The following MTM1 variants were observed in gnomAD, a reference collection of about 807,000 sequenced individuals.
MTM1 encodes myotubularin 1, also known as myotubularin.
In MTM1, 9 loss-of-function variants were observed where a neutral mutation model predicts 52.1. The observed-to-expected ratio is 0.17, with a 90% CI of 0.10 to 0.30. The LOEUF (loss-of-function observed/expected upper bound fraction) is 0.30, where lower values mean the gene tolerates loss of function less well. MTM1 is among the 10% of genes least tolerant of loss of function. The pLI, the probability that MTM1 is intolerant of heterozygous loss-of-function variation, is 1.00. For missense variants in MTM1, 277 were observed against 470.7 expected, an observed-to-expected ratio of 0.59 and a Z score of 3.81; for synonymous variants, 136 against 163.8, an observed-to-expected ratio of 0.83 and a Z score of 1.29.
chrX:150,565,344 A>G (rs2038248858), upstream of MTM1, among the ~76,000 whole-genome samples: 1 of 112,308 alleles, frequency 8.9e-6, no homozygotes, highest in Non-Finnish European at 1.9e-5. Context: ...GACCTGAATC[A>G]GGTTTCCTAG....
intron 2 of MTM1, among the ~76,000 whole-genome samples, chrX:150,593,379 A>G (rs2038920909): frequency 8.9e-6 from 1 of 112,369 alleles, no homozygotes; most frequent in African/African-American, 3.2e-5. Flanking sequence ...TTTTCTAATT[A>G]TGATAAAATT....
At position 150,671,453 on chromosome X, in the gene MTM1, AC is replaced by A; in HGVS notation, c.1671del (p.Tyr557Ter). 2 of 1,211,404 alleles carry A rather than the reference AC, an allele frequency of 1.7e-6. No homozygotes were observed. The highest frequency in any genetic ancestry group is 2.2e-6 in the Non-Finnish European group (2 of 895,474). On this transcript the variant is annotated frameshift_variant, in exon 15 of 15. Transcript: ENST00000370396. LOFTEE classifies it high-confidence loss of function. ...QQQPNPVEQRYMELLALRDEY... is the reference protein window; with the variant it reads ...QQQPNPVEQRXMELLALRDEY... Reference sequence around the variant, plus strand: ...CAGCCGAATCCAGTGGAGCAGCGTTACATGGAGCTCTTAGCCTTACGCGACG... The same window carrying A: ...CAGCCGAATCCAGTGGAGCAGCGTTAATGGAGCTCTTAGCCTTACGCGACG...
intron 4 of MTM1, 108 bp downstream of exon 4, chrX:150,598,794 A>G: frequency 3.8e-6 from 2 of 528,909 alleles, no homozygotes; most frequent in Non-Finnish European, 6.3e-6. Flanking sequence ...AACATGGGGT[A>G]TATTTGCTTC....
intron 9 of MTM1, among the ~76,000 whole-genome samples, chrX:150,647,494 T>A (rs1855053156): frequency 9.0e-6 from 1 of 111,314 alleles, no homozygotes; most frequent in African/African-American, 3.3e-5. Context: ...CACTTGTTTC[T>A]CCCTTCCTCT....
At chrX:150,659,915 G>A (rs1291088289) in intron 12 of MTM1, among the ~76,000 whole-genome samples, 159 bp downstream of exon 12, 1 of 111,784 alleles carries the variant, frequency 8.9e-6, no homozygotes, top group Non-Finnish European at 1.9e-5. Flanking sequence ...GTACATGAGC[G>A]TTCACCTTTT....
chrX:150,652,064 A>C (rs1557414225), intron 10 of MTM1, among the ~76,000 whole-genome samples: 1 of 110,558 alleles, frequency 9.0e-6, no homozygotes, highest in African/African-American at 3.3e-5. Flanking sequence ...AGGAAGGGGG[A>C]AGTGTTGAGG....
chrX:150,659,618 T>G, intron 11 of MTM1, 46 bp from the exon 12 acceptor site: 1 of 1,055,183 alleles, frequency 9.5e-7, no homozygotes, highest in East Asian at 3.0e-5. Context: ...CTTTCTCAGT[T>G]TTGTACCCAT....
intron 6 of MTM1, among the ~76,000 whole-genome samples, chrX:150,621,919 A>C (rs1247406860): frequency 8.9e-6 from 1 of 111,966 alleles, no homozygotes; most frequent in African/African-American, 3.2e-5. Context: ...TACTGTCAGC[A>C]CAGTGACATC....
chrX:150,616,375 T>C lies in MTM1; in HGVS notation c.342+1676T>C, dbSNP rs1254395630. 2.7e-5 allele frequency among the ~76,000 whole-genome samples: 3 copies of C among 112,076 alleles called. No individual in the cohort carries two copies. The Admixed American group carries it at 2.8e-4, about 11-fold the overall frequency. On this transcript the variant is annotated intron_variant, in intron 5 of 14. Transcript: ENST00000370396. Reference sequence around the variant, plus strand: ...CTCAGTAACAAACCTGACATTGATATAAAGGAAATCTGCTTCGGTGAGATA... The same window carrying C: ...CTCAGTAACAAACCTGACATTGATACAAAGGAAATCTGCTTCGGTGAGATA...
At chrX:150,592,358 C>G (rs1603118695) in intron 1 of MTM1, among the ~76,000 whole-genome samples, 1 of 110,928 alleles carries the variant, frequency 9.0e-6, no homozygotes, top group South Asian at 3.8e-4. Context: ...GCTGAGCTCC[C>G]CCTTGTGCAT....
intron 6 of MTM1, among the ~76,000 whole-genome samples, chrX:150,625,290 G>A (rs1451064787): frequency 1.8e-5 from 2 of 111,889 alleles, no homozygotes; most frequent in African/African-American, 3.3e-5. Flanking sequence ...TGCCTGGCAC[G>A]CAGTAAGTAC....
chrX:150,653,932 T>C (rs1482654835), intron 10 of MTM1, among the ~76,000 whole-genome samples: 2 of 111,886 alleles, frequency 1.8e-5, no homozygotes, highest in Non-Finnish European at 3.8e-5. Flanking sequence ...CAAGACAAGC[T>C]AGTGGGGACA....
At chrX:150,574,223 T>G (rs1474123092) in intron 1 of MTM1, among the ~76,000 whole-genome samples, 1 of 111,535 alleles carries the variant, frequency 9.0e-6, no homozygotes, top group East Asian at 2.8e-4. Flanking sequence ...CTTCACTATA[T>G]CAACTCTAAT....
rs1309707582 is a variant in MTM1 at position 150,645,679 on chromosome X, A to G, written c.679-4A>G. ...ATAGCTTAAACTTTCTGACTTAACC[A>G]TAGGTGCTGTCATGGATTCATCCAG... is the stretch of plus-strand genomic sequence containing the variant. On this transcript the variant is annotated splice_polypyrimidine_tract_variant and splice_region_variant and intron_variant, in intron 8 of 14. Coordinates refer to ENST00000370396, the MANE Select transcript of MTM1 (RefSeq NM_000252.3). The G allele has an allele frequency of 1.7e-6, 2 of 1,210,199 alleles. No individual in the cohort carries two copies. Among genetic ancestry groups the G allele is most frequent in the Non-Finnish European group, 1.1e-6 (1 of 893,904 alleles).
chrX:150,654,537 C>A (rs1315785214), intron 10 of MTM1, among the ~76,000 whole-genome samples: 1 of 112,082 alleles, frequency 8.9e-6, no homozygotes, highest in Non-Finnish European at 1.9e-5. Context: ...GTCCCTTAAC[C>A]TTTCCTTCTT....
chrX:150,569,939 G>T (rs1557411391), intron 1 of MTM1, among the ~76,000 whole-genome samples: 2 of 111,862 alleles, frequency 1.8e-5, no homozygotes, highest in African/African-American at 6.5e-5. Flanking sequence ...ACTTTTCAGA[G>T]ATTCCACACC....
In MTM1 at chrX:150,648,498, CTGTTCTGTTCCTA is replaced by C. The variant is rs1281489902; in HGVS notation, c.868-1217_868-1205del. ...TCTTCAGCCCCAGGCAGATGTTTCC[CTGTTCTGTTCCTA>C]CAGGCACTCTGGAGTTAGTATAATA... On this transcript the variant is annotated intron_variant, in intron 9 of 14. Coordinates refer to ENST00000370396, the MANE Select transcript of MTM1 (RefSeq NM_000252.3). 5.3e-5 allele frequency among the ~76,000 whole-genome samples: 6 copies of C among 112,743 alleles called. No homozygotes were observed. In the East Asian group the frequency reaches 1.4e-3, roughly 26 times the overall value.
At position 150,641,497 on chromosome X, in the gene MTM1, G is replaced by A. The variant is rs183645208; in HGVS notation, c.678+79G>A. On this transcript the variant is annotated intron_variant, in intron 8 of 14. Coordinates refer to ENST00000370396, the MANE Select transcript of MTM1 (RefSeq NM_000252.3). Reference sequence around the variant, plus strand: ...TGGTAGTCATATAACTTAGAGAAACGGTCCTTTTGGAATTCTATCCCAAAA... The same window carrying A: ...TGGTAGTCATATAACTTAGAGAAACAGTCCTTTTGGAATTCTATCCCAAAA... 102 of 1,105,772 alleles carry A rather than the reference G, an allele frequency of 9.2e-5. No individual in the cohort carries two copies. The Admixed American group carries it at 1.4e-3, about 15-fold the overall frequency. 91.1% of individuals were successfully genotyped at this position (1,105,772 alleles called of 1,213,427 possible). A position where few individuals can be genotyped will look rare whatever the true frequency, so the allele number is the denominator to read the frequency against.
Position 150,671,446 on chromosome X carries a change from C to G in MTM1, c.1663C>G (p.Gln555Glu). Residue 555 changes from glutamine (Q) to glutamate (E), a missense_variant, in exon 15 of 15, where the codon CAG (glutamine) becomes GAG (glutamate). By Grantham distance (29) the Gln-to-Glu change is conservative (BLOSUM62 2). This residue lies in a region of MTM1 where 51 missense variants were observed against 52.2 expected (regional missense o/e 0.98). Transcript: ENST00000370396. The part of the protein sequence containing the change: ...IKQQQPNPVE[Q>E]RYMELLALRD... ...TCTCCAGCAGCCGAATCCAGTGGAG[C>G]AGCGTTACATGGAGCTCTTAGCCTT... 8.3e-7 allele frequency: 1 copy of G among 1,211,316 alleles called. No homozygotes were observed. The highest frequency in any genetic ancestry group is 1.8e-5 in the South Asian group (1 of 56,968).
Sources: gnomAD v4.1 joint callset for allele counts (sites outside exome capture counted in the v4.1 genomes callset) on GRCh38, gnomAD v4.1.1 for gene constraint, gnomAD v4.1.1 regional missense constraint, MANE v1.5 for transcripts, NCBI Gene and HGNC (gene_info 2026-07-23, HGNC 2026-07-21) for gene names.